Variants in COBL observed in about 807,000 individuals in gnomAD.
The protein encoded by COBL is protein cordon-bleu.
In COBL, 51 loss-of-function variants were observed where a neutral mutation model predicts 98.8. That is an observed-to-expected ratio of 0.52 (90% CI 0.41 to 0.65). The LOEUF is 0.65. Ranked by LOEUF, COBL falls within the 30% of genes least tolerant of loss-of-function variation. The pLI, the probability that COBL is intolerant of heterozygous loss-of-function variation, is 0.00. For synonymous variants in COBL, 634 were observed against 651.7 expected (o/e 0.97, Z 0.41); for missense variants, 1,617 against 1,617.5 (o/e 1.00, Z 0.01).
chr7:51,106,492 A>G (rs987076041), intron 6 of COBL, among the ~76,000 whole-genome samples: 2 of 152,138 alleles, frequency 1.3e-5, no homozygotes, highest in African/African-American at 4.8e-5. Context: ...CGAAACAAGA[A>G]AAGAGTTCTC....
intron 2 of COBL, among the ~76,000 whole-genome samples, chr7:51,216,505 G>A (rs1793066288): frequency 1.3e-5 from 2 of 152,202 alleles, no homozygotes. Context: ...CAATTAAAAT[G>A]ATGGGATTGT....
intron 1 of COBL, among the ~76,000 whole-genome samples, chr7:51,237,538 TAA>T (rs5884200): frequency 1.5e-5 from 2 of 132,754 alleles, no homozygotes; most frequent in Non-Finnish European, 3.1e-5. Flanking sequence ...TTTTTTTTCT[TAA>T]AAAAAAAAAA....
Position 51,028,460 on chromosome 7 carries a change from G to A in COBL, c.2636C>T (p.Pro879Leu), listed in dbSNP as rs771596666. The A allele has an allele frequency of 6.2e-7, 1 of 1,614,248 alleles. No homozygotes were observed. Among genetic ancestry groups the A allele is most frequent in the Non-Finnish European group, 8.5e-7 (1 of 1,180,046 alleles). Residue 879 changes from proline (P) to leucine (L), a missense_variant, in exon 10 of 13, where the codon CCA (proline) becomes CTA (leucine). Pro to Leu is a moderately conservative substitution (Grantham distance 98, BLOSUM62 -3). This residue lies in a region of COBL where 1,304 missense variants were observed against 1,282.0 expected (regional missense o/e 1.02). Coordinates refer to ENST00000265136, the MANE Select transcript of COBL (RefSeq NM_015198.5). ...ASAIAKRIGA[P>L]KVHADVVRPH... is the part of the protein sequence containing the mutation. ...CCTCACCACATCAGCATGGACTTTT[G>A]GGGCTCCTATGCGCTTGGCAATGGC...
chr7:51,020,628 G>A lies in COBL; in HGVS notation c.3769-3060C>T, dbSNP rs556895539. ...ATACAGCTTTGCCTTTAATAAGAAC[G>A]CAGGGCTGAGTGGAAGCAAGCACTG... On this transcript the variant is annotated intron_variant, in intron 12 of 12. Coordinates refer to ENST00000265136, the MANE Select transcript of COBL (RefSeq NM_015198.5). Among the ~76,000 whole-genome samples, 135 of 152,316 alleles carry A rather than the reference G, an allele frequency of 8.9e-4. 1 individual carries two copies. Among genetic ancestry groups the A allele is most frequent in the Admixed American group, 2.0e-3 (31 of 15,302 alleles).
intron 6 of COBL, among the ~76,000 whole-genome samples, chr7:51,122,666 T>C (rs1797845226): frequency 1.3e-5 from 2 of 152,220 alleles, no homozygotes; most frequent in Admixed American, 1.3e-4. Flanking sequence ...AGATATGCTT[T>C]ACATCTGGCA....
intron 1 of COBL, chr7:51,260,296 A>C: frequency 1.1e-5 from 5 of 471,240 alleles, no homozygotes; most frequent in Non-Finnish European, 1.5e-5. Flanking sequence ...TGTCTATCTC[A>C]TTTATAGAAC....
chr7:51,183,927 T>C (rs1789237180), intron 5 of COBL, among the ~76,000 whole-genome samples, 175 bp downstream of exon 5: 1 of 152,228 alleles, frequency 6.6e-6, no homozygotes, highest in East Asian at 1.9e-4. Flanking sequence ...TGGAATCAAG[T>C]GTGGAAGCAC....
intron 6 of COBL, among the ~76,000 whole-genome samples, chr7:51,120,115 T>C (rs890199479): frequency 2.0e-5 from 3 of 152,138 alleles, no homozygotes; most frequent in Admixed American, 6.6e-5. Context: ...ATAATAAATA[T>C]GGTAGTATAG....
At chr7:51,294,685 T>C (rs1359693389) in intron 1 of COBL, among the ~76,000 whole-genome samples, 3 of 149,236 alleles carry the variant, frequency 2.0e-5, no homozygotes, top group Non-Finnish European at 4.5e-5. Flanking sequence ...TAATTCTAAG[T>C]AAAGGTTTAA....
chr7:51,083,082 C>T (rs988445440), intron 7 of COBL: 11 of 1,534,646 alleles, frequency 7.2e-6, no homozygotes, highest in East Asian at 2.5e-5. Flanking sequence ...TCTGAGGCCT[C>T]GGAACCAGCG....
intron 1 of COBL, among the ~76,000 whole-genome samples, chr7:51,225,753 G>A (rs1584237651): frequency 1.3e-5 from 2 of 152,236 alleles, no homozygotes; most frequent in East Asian, 3.9e-4. Flanking sequence ...TCAGCTGGAA[G>A]CTCCCAGCTG....
At chr7:51,295,437 C>T (rs922028873) in intron 1 of COBL, among the ~76,000 whole-genome samples, 3 of 152,092 alleles carry the variant, frequency 2.0e-5, no homozygotes, top group African/African-American at 7.2e-5. Context: ...CATTAAAAAA[C>T]ATTTTTCAAA....
chr7:51,176,433 T>C (rs931472308), intron 5 of COBL, among the ~76,000 whole-genome samples: 4 of 152,018 alleles, frequency 2.6e-5, no homozygotes, highest in African/African-American at 4.8e-5. Context: ...CACACACATA[T>C]ATGCACCCAT....
intron 1 of COBL, among the ~76,000 whole-genome samples, chr7:51,289,887 A>G (rs902217936): frequency 1.3e-5 from 2 of 152,214 alleles, no homozygotes; most frequent in African/African-American, 4.8e-5. Flanking sequence ...ATTGCAGGAC[A>G]CAGATTTGCT....
At chr7:51,240,511 C>T (rs909974203) in intron 1 of COBL, among the ~76,000 whole-genome samples, 7 of 152,164 alleles carry the variant, frequency 4.6e-5, no homozygotes, top group South Asian at 2.1e-4. Flanking sequence ...ACTGGCTCTA[C>T]GGAAATTGCA....
At chr7:51,164,937 C>T (rs1787151601) in intron 5 of COBL, among the ~76,000 whole-genome samples, 1 of 151,700 alleles carries the variant, frequency 6.6e-6, no homozygotes, top group Non-Finnish European at 1.5e-5. Flanking sequence ...GCGTTATGTT[C>T]TAAAATAGTA....
At chr7:51,077,691 C>T (rs12719027) in intron 7 of COBL, among the ~76,000 whole-genome samples, 142,852 of 152,312 alleles carry the variant, frequency 0.94, 67,169 homozygotes, top group Non-Finnish European at 0.96. Flanking sequence ...ACTACAAAGA[C>T]TATCAAGAAA....
chr7:51,165,991 A>G (rs1015007418), intron 5 of COBL, among the ~76,000 whole-genome samples: 4 of 152,002 alleles, frequency 2.6e-5, no homozygotes, highest in Non-Finnish European at 5.9e-5. Flanking sequence ...GTTTATAGTC[A>G]TATATGCCTA....
chr7:51,174,625 A>G (rs1788191215), intron 5 of COBL, among the ~76,000 whole-genome samples: 1 of 152,150 alleles, frequency 6.6e-6, no homozygotes, highest in South Asian at 2.1e-4. Flanking sequence ...AGGAGCCATA[A>G]AATGCCACAC....
Sources: allele counts gnomAD v4.1 joint callset (sites outside exome capture counted in the v4.1 genomes callset), GRCh38; gene constraint gnomAD v4.1.1; regional missense constraint gnomAD v4.1.1; transcripts MANE v1.5; gene names NCBI Gene and HGNC (gene_info 2026-07-23, HGNC 2026-07-21).